Variants in TUBGCP6 observed in about 807,000 individuals in gnomAD.
TUBGCP6 encodes the protein tubulin gamma complex component 6, also known as gamma-tubulin complex component 6.
In TUBGCP6, 161 loss-of-function variants were observed where a neutral mutation model predicts 175.8. The ratio of observed to expected loss-of-function variants is 0.92; its 90% CI spans 0.81 to 1.04. The LOEUF is 1.04. Among genes scored for constraint, TUBGCP6 ranks in the 50% least tolerant of loss-of-function variants. The probability of loss-of-function intolerance (pLI) is 0.00; values close to 1 mark genes in which losing one functional copy is unlikely to be tolerated. For missense variants in TUBGCP6, 2,572 were observed against 2,433.0 expected, an observed-to-expected ratio of 1.06 and a Z score of -1.20; for synonymous variants, 1,173 against 1,030.5, an observed-to-expected ratio of 1.14 and a Z score of -2.65.
chr22:50,225,053 C>CT (rs2064584860), intron 10 of TUBGCP6, among the ~76,000 whole-genome samples: 1 of 142,078 alleles, frequency 7.0e-6, no homozygotes, highest in Non-Finnish European at 1.5e-5. Flanking sequence ...AGGACACCGC[C>CT]CCCCCGCCCA....
Position 50,226,173 on chromosome 22 carries a change from T to G in TUBGCP6, c.1710A>C (p.Thr570=). The G allele has an allele frequency of 6.2e-7, 1 of 1,614,168 alleles. No individual in the cohort carries two copies. The highest frequency in any genetic ancestry group is 2.2e-5 in the East Asian group (1 of 44,862). Residue 570 remains threonine (T), a synonymous_variant, in exon 9 of 25, where the codon ACA becomes ACC. Coordinates refer to ENST00000248846, the MANE Select transcript of TUBGCP6 (RefSeq NM_020461.4). ...CTTTGGAGATGAGCACGTAGCCATGTGTCCAGTACAACTTATCTAAGGTAG... is the reference window on the plus strand; with the variant it reads ...CTTTGGAGATGAGCACGTAGCCATGGGTCCAGTACAACTTATCTAAGGTAG... ...YLSFRDKLYW[T]HGYVLISKEV...
intron 1 of TUBGCP6, 142 bp from the exon 2 acceptor site, chr22:50,240,509 T>C (rs970155278): frequency 5.8e-6 from 6 of 1,032,594 alleles, no homozygotes; most frequent in Admixed American, 2.7e-5. Context: ...TACCATACAA[T>C]GTTTCCCACC....
At chr22:50,231,859 C>A (rs375330544) in intron 3 of TUBGCP6, among the ~76,000 whole-genome samples, 1,018 of 122,654 alleles carry the variant, frequency 8.3e-3, no homozygotes, top group Middle Eastern at 0.013. Flanking sequence ...GACTCCGTCT[C>A]AAAAAAAAAA....
Position 50,221,551 on chromosome 22 carries a change from C to T in TUBGCP6, c.2808G>A (p.Glu936=), listed in dbSNP as rs1365508612. ...NLDLPPSAPG[E]APAAASTQPS... ...GCTGAGTGCTGGCTGCTGCGGGTGC[C>T]TCCCCAGGAGCTGAGGGGGGCAGGT... The change falls in exon 16 of 25, where the codon GAG becomes GAA. Residue 936 remains glutamate (E), a synonymous_variant. Transcript: ENST00000248846. 6.3e-7 allele frequency: 1 copy of T among 1,588,042 alleles called. No individual in the cohort carries two copies. Among genetic ancestry groups the T allele is most frequent in the Non-Finnish European group, 8.6e-7 (1 of 1,165,366 alleles).
intron 7 of TUBGCP6, 32 bp downstream of exon 7, chr22:50,226,701 C>T (rs376542328): frequency 6.0e-5 from 92 of 1,536,358 alleles, no homozygotes; most frequent in African/African-American, 2.7e-4. Flanking sequence ...TGGGAGTGCG[C>T]GCCCGCCGCG....
chr22:50,226,683 C>A, intron 7 of TUBGCP6, 50 bp downstream of exon 7: 1 of 1,457,872 alleles, frequency 6.9e-7, no homozygotes. Flanking sequence ...TCTCAAGTGT[C>A]TGCCTGGTGG....
chr22:50,229,547 C>G lies in TUBGCP6; in HGVS notation c.1147G>C (p.Val383Leu). 2 of 1,599,662 alleles carry G rather than the reference C, an allele frequency of 1.3e-6. No individual in the cohort carries two copies. The highest frequency in any genetic ancestry group is 1.7e-6 in the Non-Finnish European group (2 of 1,173,818). Residue 383 changes from valine (V) to leucine (L), a missense_variant, in exon 4 of 25, where the codon GTC becomes CTC. Transcript: ENST00000248846. ...TCGGGAGACGCTCCTGACACGTGGACGCCCCGCTTCACCACAAAGGCCTGG... is the reference window on the plus strand; with the variant it reads ...TCGGGAGACGCTCCTGACACGTGGAGGCCCCGCTTCACCACAAAGGCCTGG... Reference protein sequence around the residue: ...PAQAFVVKRGVHVSGASPESI... With the variant: ...PAQAFVVKRGLHVSGASPESI...
At chr22:50,224,446 C>T (rs2064575135) in intron 11 of TUBGCP6, 26 bp from the exon 12 acceptor site, 1 of 1,614,078 alleles carries the variant, frequency 6.2e-7, no homozygotes, top group Admixed American at 1.7e-5. Flanking sequence ...AAGGGGCGCA[C>T]TGTCACAAGG....
chr22:50,222,698 C>G, intron 13 of TUBGCP6, 106 bp from the exon 14 acceptor site: 1 of 1,479,260 alleles, frequency 6.8e-7, no homozygotes, highest in Non-Finnish European at 9.1e-7. Context: ...CCCCAGTGGG[C>G]CCCCGCCCCC....
At position 50,244,576 on chromosome 22, in the gene TUBGCP6, T is replaced by TC. The variant is rs1037401008; in HGVS notation, c.-118dup. ...CGAAGAGGCTGAATGACAGGCGGCC[T>TC]CTCCAATGCCGAAGCTCAGAACTGG... is the stretch of plus-strand genomic sequence containing the variant. On this transcript the variant is annotated 5_prime_UTR_variant, in exon 1 of 25. Transcript: ENST00000248846. The TC allele has an allele frequency of 2.8e-6, 4 of 1,429,952 alleles. No homozygotes were observed. The highest frequency in any genetic ancestry group is 3.7e-6 in the Non-Finnish European group (4 of 1,093,088). The allele number at this position is 1,429,952 out of a possible 1,614,324, so 88.6% of individuals were successfully genotyped here. A position where few individuals can be genotyped will look rare whatever the true frequency, so the allele number is the denominator to read the frequency against.
chr22:50,217,777 GA>G lies in TUBGCP6; in HGVS notation c.5418del (p.Leu1807CysfsTer?). On this transcript the variant is annotated frameshift_variant, in exon 25 of 25. Coordinates refer to ENST00000248846, the MANE Select transcript of TUBGCP6 (RefSeq NM_020461.4). LOFTEE classifies it high-confidence loss of function. ...TAGTTGTTGAAGTTGATGCGCAGCAGAAAGTCCTCCAGGTGGGGCTGGTAGC... is the reference window on the plus strand; with the variant it reads ...TAGTTGTTGAAGTTGATGCGCAGCAGAAGTCCTCCAGGTGGGGCTGGTAGC... ...NRGYQPHLED[F>X]LLRINFNNYY... The G allele has an allele frequency of 6.2e-7, 1 of 1,614,058 alleles. No homozygotes were observed. Among genetic ancestry groups the G allele is most frequent in the Non-Finnish European group, 8.5e-7 (1 of 1,179,996 alleles).
chr22:50,219,533 C>CT (rs1267394289), intron 18 of TUBGCP6, 77 bp from the exon 19 acceptor site: 4 of 1,585,258 alleles, frequency 2.5e-6, no homozygotes, highest in Non-Finnish European at 3.4e-6. Flanking sequence ...AGATGGAGCA[C>CT]GTGCTGGGAA....
intron 13 of TUBGCP6, chr22:50,222,986 T>C (rs1054626347): frequency 5.7e-6 from 1 of 174,780 alleles, no homozygotes; most frequent in Non-Finnish European, 1.2e-5. Flanking sequence ...AAAAAGCACA[T>C]GAAGCAAAAC....
rs55647714 is a variant in TUBGCP6 at position 50,241,983 on chromosome 22, C to CAAAAAAAAA, written c.742-1625_742-1617dup. 3.2e-4 allele frequency among the ~76,000 whole-genome samples: 30 copies of CAAAAAAAAA among 92,784 alleles called. 4 individuals are homozygous for CAAAAAAAAA. The highest frequency in any genetic ancestry group is 6.5e-4 in the South Asian group (2 of 3,054). The allele number at this position is 92,784 out of a possible 152,430, so 60.9% of individuals were successfully genotyped here. ...CTGGTCCCTACACAAGACTCCATCT[C>CAAAAAAAAA]AAAAAAAAAAAAAAAAAAAAAAAAA... On this transcript the variant is annotated intron_variant, in intron 1 of 24. Coordinates refer to ENST00000248846, the MANE Select transcript of TUBGCP6 (RefSeq NM_020461.4).
rs199819496 is a variant in TUBGCP6, at chr22:50,219,188, G to A, written c.4506C>T (p.Ala1502=). The change falls in exon 20 of 25, where the codon GCC becomes GCT. Residue 1502 remains alanine (A), a synonymous_variant. Transcript: ENST00000248846. ...GCTCCACGAAGAAGTAGTCGACAGC[G>A]GCCTTGTTCACCAAGGAGATGCTGG... ...LAAHISLVNK[A]AVDYFFVELH... 26 of 1,611,582 alleles carry A rather than the reference G, an allele frequency of 1.6e-5. No individual in the cohort carries two copies. In the Middle Eastern group the frequency reaches 1.0e-3, roughly 62 times the overall value.
chr22:50,218,972 G>A, intron 20 of TUBGCP6, 75 bp from the exon 21 acceptor site: 2 of 1,589,714 alleles, frequency 1.3e-6, no homozygotes, highest in Non-Finnish European at 1.7e-6. Flanking sequence ...CCATGGGGCT[G>A]TGCCAGAGCA....
At chr22:50,222,398 G>C in intron 14 of TUBGCP6, 56 bp downstream of exon 14, 1 of 1,606,172 alleles carries the variant, frequency 6.2e-7, no homozygotes, top group Non-Finnish European at 8.5e-7. Context: ...GTCTCAGGGG[G>C]TTTCCAGACC....
At chr22:50,224,009 T>C in intron 13 of TUBGCP6, 132 bp downstream of exon 13, 1 of 768,302 alleles carries the variant, frequency 1.3e-6, no homozygotes, top group Non-Finnish European at 2.1e-6. Flanking sequence ...GGGTTCAGCA[T>C]ATTGGTCTTT....
rs2064891660 is a variant in TUBGCP6 at position 50,244,402 on chromosome 22, T to C, written c.58A>G (p.Lys20Glu). ...ACACTGCGCTGGCCCAGGTGAGTCTTGGCAGCCGGCAGGAGGGCCTCACAC... is the reference window on the plus strand; with the variant it reads ...ACACTGCGCTGGCCCAGGTGAGTCTCGGCAGCCGGCAGGAGGGCCTCACAC... The part of the protein sequence containing the change: ...DLCEALLPAA[K>E]THLGQRSVNR... The change falls in exon 1 of 25, where the codon AAG becomes GAG. Residue 20 changes from lysine (K) to glutamate (E), a missense_variant. Lys to Glu is a moderately conservative substitution (Grantham distance 56). Transcript: ENST00000248846. The C allele has an allele frequency of 6.2e-7, 1 of 1,613,046 alleles. No homozygotes were observed. Among genetic ancestry groups the C allele is most frequent in the Non-Finnish European group, 8.5e-7 (1 of 1,180,016 alleles).
Sources: gnomAD v4.1 joint callset for allele counts (sites outside exome capture counted in the v4.1 genomes callset) on GRCh38, gnomAD v4.1.1 for gene constraint, MANE v1.5 for transcripts, NCBI Gene and HGNC (gene_info 2026-07-23, HGNC 2026-07-21) for gene names.